Variants in BCKDHB observed in about 807,000 individuals in gnomAD.
BCKDHB encodes 2-oxoisovalerate dehydrogenase subunit beta, mitochondrial.
A neutral mutation model predicts 48.5 loss-of-function variants in BCKDHB; 41 were observed. That is an observed-to-expected ratio of 0.85 (90% CI 0.66 to 1.10). BCKDHB has a LOEUF of 1.10. Ranked by LOEUF, BCKDHB falls within the 50% of genes least tolerant of loss-of-function variation. BCKDHB has a pLI of 0.00. For missense variants in BCKDHB, 496 were observed against 494.2 expected, an observed-to-expected ratio of 1.00 and a Z score of -0.03; for synonymous variants, 201 against 174.8, an observed-to-expected ratio of 1.15 and a Z score of -1.18.
the BCKDHB span, among the ~76,000 whole-genome samples, chr6:80,367,194 G>A: frequency 6.6e-6 from 1 of 151,700 alleles, no homozygotes; most frequent in Admixed American, 6.6e-5. Flanking sequence ...ATATAATTCT[G>A]TTTCTTTTGC....
At chr6:80,386,612 A>C in the BCKDHB span, among the ~76,000 whole-genome samples, 1 of 152,194 alleles carries the variant, frequency 6.6e-6, no homozygotes, top group Non-Finnish European at 1.5e-5. Context: ...GGCAGGGGCC[A>C]AGTGGTGGCA....
rs4424040 is a variant in BCKDHB at position 80,171,629 on chromosome 6, A to G, written c.742+239A>G. On this transcript the variant is annotated intron_variant, in intron 6 of 9. Transcript: ENST00000320393. ...AGAGGAAATCTGAAGTGGTAGCAAC[A>G]ATAAAGGGACTATGTTTAACCACAT... 0.031 allele frequency among the ~76,000 whole-genome samples: 4,794 copies of G among 152,220 alleles called. 101 individuals are homozygous for G. The highest frequency in any genetic ancestry group is 0.068 in the Middle Eastern group (20 of 294).
the BCKDHB span, among the ~76,000 whole-genome samples, chr6:80,429,086 A>T: frequency 6.6e-6 from 1 of 152,194 alleles, no homozygotes; most frequent in Non-Finnish European, 1.5e-5. Flanking sequence ...AGTTTTCTGT[A>T]TATGGCTAGC....
chr6:80,109,967 A>G (rs1454951989), intron 1 of BCKDHB, among the ~76,000 whole-genome samples: 3 of 152,198 alleles, frequency 2.0e-5, no homozygotes, highest in Non-Finnish European at 2.9e-5. Flanking sequence ...TTATATACTA[A>G]GATTTTGTCT....
At chr6:80,298,141 C>G (rs557877269) in intron 9 of BCKDHB, among the ~76,000 whole-genome samples, 15 of 152,144 alleles carry the variant, frequency 9.9e-5, no homozygotes, top group Middle Eastern at 3.4e-3. Context: ...TAGACAGAGT[C>G]TCACTCTGTC....
chr6:80,231,038 C>T (rs1409401344), intron 8 of BCKDHB, among the ~76,000 whole-genome samples: 1 of 152,224 alleles, frequency 6.6e-6, no homozygotes, highest in East Asian at 1.9e-4. Flanking sequence ...TGGATCTCTT[C>T]ATTGCCAGTG....
the BCKDHB span, among the ~76,000 whole-genome samples, chr6:80,436,749 A>G: frequency 6.6e-6 from 1 of 152,210 alleles, no homozygotes; most frequent in Non-Finnish European, 1.5e-5. Flanking sequence ...GAAGATCTAC[A>G]GTTTATTTCA....
chr6:80,241,360 G>C (rs1305503164), intron 8 of BCKDHB, among the ~76,000 whole-genome samples: 2 of 152,186 alleles, frequency 1.3e-5, no homozygotes, highest in Non-Finnish European at 2.9e-5. Context: ...CAGCTCTTCT[G>C]CTCTGGTTTC....
intron 9 of BCKDHB, among the ~76,000 whole-genome samples, chr6:80,280,033 T>G (rs676311): frequency 0.3 from 45,591 of 152,016 alleles, 7,259 homozygotes; most frequent in Non-Finnish European, 0.37. Context: ...GATTTGCTAT[T>G]GAAGGAATTA....
At chr6:80,418,055 TCTCA>T in the BCKDHB span, among the ~76,000 whole-genome samples, 16 of 152,186 alleles carry the variant, frequency 1.1e-4, no homozygotes, top group Non-Finnish European at 2.1e-4. Context: ...TCTTTTTTTG[TCTCA>T]CTATCTTGTT....
intron 9 of BCKDHB, among the ~76,000 whole-genome samples, chr6:80,284,365 T>C (rs963318541): frequency 1.3e-5 from 2 of 152,142 alleles, no homozygotes; most frequent in Admixed American, 6.6e-5. Context: ...AATCATCTAG[T>C]TGATAATTGT....
chr6:80,404,829 TTC>T, the BCKDHB span, among the ~76,000 whole-genome samples: 1 of 152,118 alleles, frequency 6.6e-6, no homozygotes, highest in Non-Finnish European at 1.5e-5. Context: ...GTTGCTTAAT[TTC>T]TACATATTTG....
chr6:80,348,235 G>C (rs1163532141), downstream of BCKDHB, among the ~76,000 whole-genome samples: 1 of 151,896 alleles, frequency 6.6e-6, no homozygotes, highest in Admixed American at 6.6e-5. Flanking sequence ...TGAGGAACAA[G>C]ATTCAGAAAA....
At chr6:80,136,316 CTAGTCAT>C (rs1221540158) in intron 3 of BCKDHB, among the ~76,000 whole-genome samples, 2 of 152,208 alleles carry the variant, frequency 1.3e-5, no homozygotes, top group South Asian at 4.1e-4. Flanking sequence ...CCTTGAATAT[CTAGTCAT>C]TAATTTTTGA....
chr6:80,436,299 C>G, the BCKDHB span, among the ~76,000 whole-genome samples: 1 of 151,524 alleles, frequency 6.6e-6, no homozygotes, highest in African/African-American at 2.4e-5. Flanking sequence ...GCTGGGACTA[C>G]AGGTGACCGC....
chr6:80,144,382 AAT>A (rs1418992825), intron 3 of BCKDHB, among the ~76,000 whole-genome samples: 1 of 152,158 alleles, frequency 6.6e-6, no homozygotes, highest in African/African-American at 2.4e-5. Context: ...TATAGTATAC[AAT>A]ATGTCAGAGA....
In BCKDHB at chr6:80,344,784, T is replaced by A. The variant is rs1490190170; in HGVS notation, c.*980T>A. ...GTTTCAACTTCAACCTTTATTTTTG[T>A]ATATATTTTTTCAGCTACTTAAACT... is the stretch of plus-strand genomic sequence containing the variant. On this transcript the variant is annotated 3_prime_UTR_variant, in exon 10 of 10. Coordinates refer to ENST00000320393, the MANE Select transcript of BCKDHB (RefSeq NM_183050.4). 1 of 152,224 alleles carries A rather than the reference T, an allele frequency of 6.6e-6. No homozygotes were observed. The highest frequency in any genetic ancestry group is 6.5e-5 in the Admixed American group (1 of 15,280). The allele number at this position is 152,224 out of a possible 1,614,324, so 9.4% of individuals were successfully genotyped here.
chr6:80,402,780 G>T, the BCKDHB span, among the ~76,000 whole-genome samples: 1 of 151,664 alleles, frequency 6.6e-6, no homozygotes, highest in African/African-American at 2.4e-5. Flanking sequence ...TGACTTTTGT[G>T]TATGGTGTAA....
chr6:80,361,109 C>T, the BCKDHB span, among the ~76,000 whole-genome samples: 46 of 152,246 alleles, frequency 3.0e-4, no homozygotes, highest in South Asian at 8.5e-3. Flanking sequence ...AGGGGCCTCC[C>T]GGTATCTCTC....
Sources: gnomAD v4.1 joint callset for allele counts (sites outside exome capture counted in the v4.1 genomes callset) on GRCh38, gnomAD v4.1.1 for gene constraint, MANE v1.5 for transcripts, NCBI Gene and HGNC (gene_info 2026-07-23, HGNC 2026-07-21) for gene names.